Variants in ACTR3C observed in about 807,000 individuals in gnomAD.
ACTR3C encodes the protein actin-related protein 3C.
ACTR3C carries 18 observed loss-of-function variants against 26.3 expected under a neutral mutation model. The observed-to-expected ratio is 0.68, with a 90% confidence interval of 0.47 to 1.01. The LOEUF is 1.01. ACTR3C is among the 50% of genes least tolerant of loss of function. The pLI, the probability that ACTR3C is intolerant of heterozygous loss-of-function variation, is 0.00. For synonymous variants in ACTR3C, 55 were observed against 94.5 expected (o/e 0.58, Z 2.42); for missense variants, 184 against 250.7 (o/e 0.73, Z 1.80).
At chr7:149,967,984 T>C in the ACTR3C span, among the ~76,000 whole-genome samples, 7 of 152,294 alleles carry the variant, frequency 4.6e-5, no homozygotes, top group East Asian at 9.7e-4. Context: ...GTACTCACCA[T>C]TCCCTTTTCT....
the ACTR3C span, among the ~76,000 whole-genome samples, chr7:150,185,633 C>T: frequency 1.3e-5 from 2 of 151,624 alleles, no homozygotes; most frequent in Non-Finnish European, 2.9e-5. Context: ...TCCATCTCAT[C>T]AATATAAAGG....
At chr7:149,922,148 G>A in the ACTR3C span, among the ~76,000 whole-genome samples, 1 of 139,848 alleles carries the variant, frequency 7.2e-6, no homozygotes, top group Middle Eastern at 3.7e-3. Context: ...TAGAAGAATT[G>A]GCTGAACAGT....
the ACTR3C span, among the ~76,000 whole-genome samples, chr7:150,112,285 C>T: frequency 3.6e-4 from 55 of 152,312 alleles, 1 homozygote; most frequent in South Asian, 0.01. Context: ...GTGGATGAGG[C>T]CAGAACTTGG....
chr7:149,943,746 T>C, the ACTR3C span, among the ~76,000 whole-genome samples: 1 of 150,528 alleles, frequency 6.6e-6, no homozygotes. Context: ...TCCTCTTGTA[T>C]AAGCGGCAGG....
the ACTR3C span, among the ~76,000 whole-genome samples, chr7:150,172,527 G>C: frequency 0.013 from 2,024 of 150,548 alleles, 40 homozygotes; most frequent in South Asian, 0.044. Context: ...AATTCAAGTT[G>C]AGATTTGGGT....
At chr7:150,180,178 A>G in the ACTR3C span, among the ~76,000 whole-genome samples, 36 of 149,952 alleles carry the variant, frequency 2.4e-4, no homozygotes, top group South Asian at 1.5e-3. Context: ...GGTCGTGGGC[A>G]CCTGTAGTCC....
the ACTR3C span, among the ~76,000 whole-genome samples, chr7:150,200,849 C>T: frequency 0.025 from 3,263 of 132,944 alleles, 55 homozygotes; most frequent in African/African-American, 0.07. Context: ...ATATGGTACC[C>T]TCTCCTTTAA....
the ACTR3C span, among the ~76,000 whole-genome samples, chr7:150,137,170 T>C: frequency 1.3e-5 from 2 of 152,142 alleles, no homozygotes; most frequent in African/African-American, 4.8e-5. Context: ...GCCCAGGGGT[T>C]GGGGACTTCT....
chr7:150,191,873 C>T, the ACTR3C span, among the ~76,000 whole-genome samples: 1 of 152,200 alleles, frequency 6.6e-6, no homozygotes, highest in Non-Finnish European at 1.5e-5. Context: ...TTTATAGAAA[C>T]CCTTCATCAA....
chr7:149,949,369 G>A, the ACTR3C span, among the ~76,000 whole-genome samples: 3 of 135,396 alleles, frequency 2.2e-5, no homozygotes, highest in South Asian at 2.3e-4. Context: ...GTAAGACTCC[G>A]ACAGAAAAGA....
chr7:150,082,936 TTTTTTTTTTTC>T, the ACTR3C span, among the ~76,000 whole-genome samples: 131 of 124,026 alleles, frequency 1.1e-3, no homozygotes, highest in African/African-American at 3.8e-3. Flanking sequence ...TTTTTTTTCT[TTTTTTTTTTTC>T]TTTTTTTTTT....
chr7:150,179,916 A>C, the ACTR3C span, among the ~76,000 whole-genome samples: 36 of 151,574 alleles, frequency 2.4e-4, no homozygotes, highest in African/African-American at 8.6e-4. Flanking sequence ...TTTAGATATT[A>C]TATTGCTGCC....
chr7:149,964,387 T>C, the ACTR3C span, among the ~76,000 whole-genome samples: 1 of 151,984 alleles, frequency 6.6e-6, no homozygotes, highest in Non-Finnish European at 1.5e-5. Context: ...TGAACCGAAA[T>C]GAGGACCTGA....
At chr7:149,944,328 C>T in the ACTR3C span, among the ~76,000 whole-genome samples, 1 of 152,052 alleles carries the variant, frequency 6.6e-6, no homozygotes, top group Non-Finnish European at 1.5e-5. Flanking sequence ...TGTTCTAATC[C>T]CAGAATGGAT....
intron 1 of ACTR3C, among the ~76,000 whole-genome samples, chr7:150,299,985 C>CA (rs34878742): frequency 4.5e-4 from 65 of 144,858 alleles, no homozygotes; most frequent in African/African-American, 1.4e-3. Flanking sequence ...CAATTTAAAC[C>CA]AAAAAAAAAA....
Position 150,308,218 on chromosome 7 carries a change from G to T in ACTR3C, c.-51-12871C>A, listed in dbSNP as rs539405373. 6.7e-3 allele frequency among the ~76,000 whole-genome samples: 1,015 copies of T among 151,892 alleles called. 16 individuals carry two copies. Among genetic ancestry groups the T allele is most frequent in the African/African-American group, 0.022 (931 of 41,422 alleles). On this transcript the variant is annotated intron_variant, in intron 1 of 7. Coordinates refer to ENST00000683684, the MANE Select transcript of ACTR3C (RefSeq NM_001164458.2). ...TCGAGTCTCTACCCCCTCTTTTCTT[G>T]GAACTTACCTTTTTCCTATGGGCAA...
chr7:150,145,256 A>G, the ACTR3C span, among the ~76,000 whole-genome samples: 1 of 152,090 alleles, frequency 6.6e-6, no homozygotes, highest in African/African-American at 2.4e-5. Context: ...ATATTTAGCT[A>G]GTGAAGACCT....
the ACTR3C span, among the ~76,000 whole-genome samples, chr7:150,223,967 G>A: frequency 1.3e-5 from 2 of 152,168 alleles, no homozygotes; most frequent in African/African-American, 4.8e-5. Context: ...TCTAGAGAGA[G>A]GGCTGCAGTT....
At chr7:150,092,780 C>T in the ACTR3C span, among the ~76,000 whole-genome samples, 1 of 150,976 alleles carries the variant, frequency 6.6e-6, no homozygotes, top group Non-Finnish European at 1.5e-5. Context: ...ATGTCAATGC[C>T]AGGCTATCTG....
Sources: gnomAD v4.1 joint callset for allele counts (sites outside exome capture counted in the v4.1 genomes callset) on GRCh38, gnomAD v4.1.1 for gene constraint, MANE v1.5 for transcripts, NCBI Gene and HGNC (gene_info 2026-07-23, HGNC 2026-07-21) for gene names.